The following TPD52 variants were observed in gnomAD, a reference collection of about 807,000 sequenced individuals.
TPD52 encodes tumor protein D52.
TPD52 carries 17 observed loss-of-function variants against 31.3 expected under a neutral mutation model. The observed-to-expected ratio is 0.54, with a 90% CI of 0.37 to 0.82. TPD52 has a LOEUF of 0.82. Ranked by LOEUF, TPD52 falls within the 40% of genes least tolerant of loss-of-function variation. The pLI, the probability that TPD52 is intolerant of heterozygous loss-of-function variation, is 0.00. For missense variants in TPD52, 212 were observed against 240.1 expected (o/e 0.88, Z 0.77); for synonymous variants, 83 against 89.6 (o/e 0.93, Z 0.42).
At position 80,038,193 on chromosome 8, in the gene TPD52, C is replaced by G. The variant is rs749215143; in HGVS notation, c.547G>C (p.Glu183Gln). Residue 183 changes from glutamate to glutamine, a missense_variant, in exon 8 of 8, where the codon GAA becomes CAA. Coordinates refer to ENST00000518937, the MANE Select transcript of TPD52 (RefSeq NM_001025253.3). ...GTKPAGGDFG[E>Q]VLNSAANASA... The stretch of plus-strand genomic sequence containing the variant: ...GCATTTGCAGCCGAATTCAAGACTT[C>G]TCCAAAATCACCACCAGCAGGCTTG... 4 of 1,614,066 alleles carry G rather than the reference C, an allele frequency of 2.5e-6. No homozygotes were observed. Among genetic ancestry groups the G allele is most frequent in the Non-Finnish European group, 3.4e-6 (4 of 1,179,980 alleles).
downstream of TPD52, among the ~76,000 whole-genome samples, chr8:80,032,152 CAAAAAAAAAA>C (rs150988844): frequency 3.5e-5 from 2 of 56,542 alleles, no homozygotes; most frequent in South Asian, 6.8e-4. Flanking sequence ...GACTCCAGCT[CAAAAAAAAAA>C]AAAAAAAAAA....
intron 1 of TPD52, among the ~76,000 whole-genome samples, chr8:80,128,420 C>T (rs537485603): frequency 2.0e-4 from 28 of 140,244 alleles, no homozygotes; most frequent in African/African-American, 7.3e-4. Flanking sequence ...TTTAGGAGGC[C>T]GAGGTGGAAA....
At chr8:80,104,642 G>A (rs1262315703) in intron 1 of TPD52, among the ~76,000 whole-genome samples, 1 of 144,296 alleles carries the variant, frequency 6.9e-6, no homozygotes, top group African/African-American at 2.6e-5. Context: ...CTAACCTCTC[G>A]TCTACTCTGA....
chr8:80,052,792 C>A, intron 3 of TPD52: 2 of 456,434 alleles, frequency 4.4e-6, no homozygotes, highest in Non-Finnish European at 7.0e-6. Flanking sequence ...GAGACTACGA[C>A]CTGAGAATCT....
intron 1 of TPD52, among the ~76,000 whole-genome samples, chr8:80,163,367 A>T (rs1249604584): frequency 6.6e-6 from 1 of 152,198 alleles, no homozygotes; most frequent in Non-Finnish European, 1.5e-5. Context: ...GCATCACAAG[A>T]AGACAAATAC....
At chr8:80,132,335 T>A (rs1022017303) in intron 1 of TPD52, among the ~76,000 whole-genome samples, 3 of 152,232 alleles carry the variant, frequency 2.0e-5, no homozygotes, top group East Asian at 1.9e-4. Context: ...CAGCACTTCT[T>A]GGGTTTACAA....
intron 1 of TPD52, among the ~76,000 whole-genome samples, chr8:80,153,866 T>G (rs1004911894): frequency 6.6e-6 from 1 of 152,216 alleles, no homozygotes. Context: ...AGCCAGGCCC[T>G]AGGAAACACT....
At chr8:80,132,153 TC>T (rs1809067813) in intron 1 of TPD52, among the ~76,000 whole-genome samples, 1 of 151,824 alleles carries the variant, frequency 6.6e-6, no homozygotes, top group African/African-American at 2.4e-5. Flanking sequence ...CCTCAGCTTC[TC>T]AAATAGCTGG....
In TPD52 at chr8:80,042,633, AC is replaced by A; in HGVS notation, c.490del (p.Val164SerfsTer4). The stretch of plus-strand genomic sequence containing the variant: ...CTCTCTACTTGCCTTTAAGTTTTCG[AC>A]CTTTTCTTCAAATGATTTAAAAGTT... Reference protein sequence around the residue: ...SPTFKSFEEKVENLKSKVGGT... With the variant: ...SPTFKSFEEKXENLKSKVGGT... On this transcript the variant is annotated frameshift_variant, in exon 7 of 8. Coordinates refer to ENST00000518937, the MANE Select transcript of TPD52 (RefSeq NM_001025253.3). LOFTEE classifies it high-confidence loss of function. 1 of 1,611,088 alleles carries A rather than the reference AC, an allele frequency of 6.2e-7. No homozygotes were observed. Among genetic ancestry groups the A allele is most frequent in the Non-Finnish European group, 8.5e-7 (1 of 1,178,398 alleles).
intron 2 of TPD52, among the ~76,000 whole-genome samples, chr8:80,062,252 T>A (rs1434219892): frequency 6.6e-6 from 1 of 152,178 alleles, no homozygotes; most frequent in Non-Finnish European, 1.5e-5. Context: ...AGTCCAGAAA[T>A]AAACCTATAC....
chr8:80,052,727 G>A (rs567139785), intron 3 of TPD52: 7 of 1,234,988 alleles, frequency 5.7e-6, no homozygotes, highest in South Asian at 3.8e-5. Flanking sequence ...CATAGCATGT[G>A]TGGTCAAAAA....
intron 1 of TPD52, among the ~76,000 whole-genome samples, chr8:80,120,058 GTT>G (rs2131023442): frequency 6.6e-6 from 1 of 152,188 alleles, no homozygotes; most frequent in South Asian, 2.1e-4. Context: ...AATAGCACAA[GTT>G]AAAAGACAAG....
chr8:80,053,571 ATGT>A (rs1811578671), intron 2 of TPD52, 141 bp from the exon 3 acceptor site: 2 of 937,218 alleles, frequency 2.1e-6, no homozygotes, highest in East Asian at 2.6e-5. Context: ...ACAATGTATA[ATGT>A]TGTTGAGTAA....
Position 80,135,937 on chromosome 8 carries a change from T to A in TPD52, c.19+35488A>T, listed in dbSNP as rs563670908. 1.1e-3 allele frequency among the ~76,000 whole-genome samples: 140 copies of A among 126,010 alleles called. 1 individual carries two copies. The highest frequency in any genetic ancestry group is 4.0e-3 in the African/African-American group (133 of 33,470). The allele number at this position is 126,010 out of a possible 152,430, so 82.7% of individuals were successfully genotyped here. On this transcript the variant is annotated intron_variant, in intron 1 of 7. Transcript: ENST00000518937. ...CATAGGTGGGAAGTGAACAATGAGA[T>A]CACATGGACACAGGAAGGGGAATAT...
chr8:80,088,715 G>A (rs376245039), intron 1 of TPD52, among the ~76,000 whole-genome samples: 1 of 152,284 alleles, frequency 6.6e-6, no homozygotes, highest in South Asian at 2.1e-4. Context: ...ATTTGGAGAT[G>A]GGGTCTTTAG....
intron 1 of TPD52, among the ~76,000 whole-genome samples, chr8:80,135,683 G>A (rs1490678420): frequency 1.4e-5 from 2 of 144,742 alleles, no homozygotes; most frequent in African/African-American, 5.1e-5. Context: ...ACATGCACAC[G>A]TATGTTTATT....
rs1299888066 is a variant in TPD52 at position 80,050,485 on chromosome 8, G to C, written c.387-14C>G. 6.2e-7 allele frequency: 1 copy of C among 1,600,392 alleles called. No individual in the cohort carries two copies. Among genetic ancestry groups the C allele is most frequent in the East Asian group, 2.2e-5 (1 of 44,626 alleles). ...AAGGCTTGCAATCTGTAAGAAGCCA[G>C]AGTAAGCATTAAAAAAGAAAGAAGT... On this transcript the variant is annotated splice_polypyrimidine_tract_variant and intron_variant, in intron 4 of 7. Coordinates refer to ENST00000518937, the MANE Select transcript of TPD52 (RefSeq NM_001025253.3).
intron 1 of TPD52, among the ~76,000 whole-genome samples, chr8:80,138,387 T>G (rs1021773047): frequency 3.3e-5 from 5 of 152,184 alleles, no homozygotes; most frequent in African/African-American, 1.2e-4. Context: ...AATGCCCTCT[T>G]AGGAGGAAAA....
intron 1 of TPD52, among the ~76,000 whole-genome samples, chr8:80,083,654 A>G (rs748258762): frequency 4.6e-5 from 7 of 152,324 alleles, no homozygotes; most frequent in Non-Finnish European, 1.0e-4. Flanking sequence ...CCAGCCATCT[A>G]GAACTGTGAG....
Sources: allele counts gnomAD v4.1 joint callset (sites outside exome capture counted in the v4.1 genomes callset), GRCh38; gene constraint gnomAD v4.1.1; transcripts MANE v1.5; gene names NCBI Gene and HGNC (gene_info 2026-07-23, HGNC 2026-07-21).